The following CTNNA2 variants were observed in gnomAD, a reference collection of about 807,000 sequenced individuals.
CTNNA2 encodes the protein catenin alpha 2, also known as catenin alpha-2.
In CTNNA2, 42 loss-of-function variants were observed where a neutral mutation model predicts 101.0. That is an observed-to-expected ratio of 0.42 (90% confidence interval 0.32 to 0.54). CTNNA2 has a LOEUF of 0.54. Among genes scored for constraint, CTNNA2 ranks in the 20% least tolerant of loss-of-function variants. The probability of loss-of-function intolerance (pLI) is 0.14; values close to 1 mark genes in which losing one functional copy is unlikely to be tolerated. For synonymous variants in CTNNA2, 450 were observed against 456.4 expected, an observed-to-expected ratio of 0.99 and a Z score of 0.18; for missense variants, 871 against 1,223.1, an observed-to-expected ratio of 0.71 and a Z score of 4.29.
In CTNNA2 at chr2:79,214,819, A is replaced by T. The variant is rs1572982396; in HGVS notation, c.-406+16743A>T. Among the ~76,000 whole-genome samples the T allele has an allele frequency of 2.0e-5, 3 of 151,888 alleles. No homozygotes were observed. The East Asian group carries it at 6.0e-4, about 30-fold the overall frequency. On this transcript the variant is annotated intron_variant, in intron 2 of 21. Transcript: ENST00000466387. Reference sequence around the variant, plus strand: ...GGGAACTGGGCAGGTGGGGATAAGTAAAAAAGAGTGCATAAAAGTATTGTC... The same window carrying T: ...GGGAACTGGGCAGGTGGGGATAAGTTAAAAAGAGTGCATAAAAGTATTGTC...
chr2:79,755,558 G>GACC (rs1672341573), intron 3 of CTNNA2, among the ~76,000 whole-genome samples: 1 of 152,142 alleles, frequency 6.6e-6, no homozygotes, highest in East Asian at 1.9e-4. Context: ...GAAGTTCACA[G>GACC]ACCATCTGGT....
intron 3 of CTNNA2, among the ~76,000 whole-genome samples, chr2:79,783,836 C>T (rs555124178): frequency 1.1e-4 from 16 of 152,174 alleles, no homozygotes; most frequent in Non-Finnish European, 2.4e-4. Context: ...AGATCTATCA[C>T]ATTAAATTGC....
At chr2:79,526,357 G>C (rs1012963196) in intron 1 of CTNNA2, among the ~76,000 whole-genome samples, 1 of 151,846 alleles carries the variant, frequency 6.6e-6, no homozygotes, top group Non-Finnish European at 1.5e-5. Flanking sequence ...CTAAAAAATG[G>C]AAATATATGT....
At chr2:80,424,854 TG>T (rs1458257556) in intron 9 of CTNNA2, among the ~76,000 whole-genome samples, 10 of 152,162 alleles carry the variant, frequency 6.6e-5, no homozygotes, top group Non-Finnish European at 4.4e-5. Context: ...TCAAACGCCT[TG>T]GGGAAAAACT....
At chr2:80,380,092 A>G (rs867494206) in intron 7 of CTNNA2, among the ~76,000 whole-genome samples, 144 of 129,958 alleles carry the variant, frequency 1.1e-3, no homozygotes, top group Middle Eastern at 5.5e-3. Context: ...GCTGGAGTGC[A>G]GTGGCACGAT....
At chr2:80,228,390 T>C (rs1459711212) in intron 7 of CTNNA2, among the ~76,000 whole-genome samples, 1 of 152,142 alleles carries the variant, frequency 6.6e-6, no homozygotes, top group Non-Finnish European at 1.5e-5. Context: ...CTCTTTTACA[T>C]GGGCACTAAT....
intron 3 of CTNNA2, among the ~76,000 whole-genome samples, chr2:79,766,129 C>T (rs919008431): frequency 6.6e-6 from 1 of 152,074 alleles, no homozygotes; most frequent in Non-Finnish European, 1.5e-5. Context: ...AAGTTTTGTA[C>T]CTTCAGGTGA....
At chr2:79,664,388 T>A (rs1167256575) in intron 2 of CTNNA2, among the ~76,000 whole-genome samples, 1 of 152,204 alleles carries the variant, frequency 6.6e-6, no homozygotes, top group African/African-American at 2.4e-5. Context: ...TCTCAACCAT[T>A]ATGAACTTTC....
rs535116519 is a variant in CTNNA2, at chr2:79,771,747, T to C, written c.298+27165T>C. Among the ~76,000 whole-genome samples the C allele has an allele frequency of 2.0e-5, 3 of 152,272 alleles. No homozygotes were observed. The South Asian group carries it at 6.2e-4, about 32-fold the overall frequency. On this transcript the variant is annotated intron_variant, in intron 3 of 18. Coordinates refer to ENST00000402739, the MANE Select transcript of CTNNA2 (RefSeq NM_001282597.3). ...TAAATACAGATGAAGCTTGGCTCAC[T>C]TGCCTGCTGCTTACCTCCTGCTGTG...
chr2:79,387,033 A>G (rs1169065287), intron 4 of CTNNA2, among the ~76,000 whole-genome samples: 2 of 152,216 alleles, frequency 1.3e-5, no homozygotes. Flanking sequence ...GTACTATCAC[A>G]GCCACCCTTA....
At chr2:80,498,677 T>C (rs945771447) in intron 9 of CTNNA2, among the ~76,000 whole-genome samples, 4 of 152,250 alleles carry the variant, frequency 2.6e-5, no homozygotes, top group African/African-American at 9.6e-5. Context: ...CACCCTGGCA[T>C]TCCTGCCAGC....
intron 3 of CTNNA2, among the ~76,000 whole-genome samples, chr2:79,349,943 G>A (rs1482750462): frequency 2.6e-5 from 4 of 151,584 alleles, no homozygotes; most frequent in African/African-American, 4.9e-5. Context: ...GCGTGGTGGC[G>A]GGCGCCTGTA....
chr2:80,240,909 A>C (rs1197173598), intron 7 of CTNNA2, among the ~76,000 whole-genome samples: 1 of 152,156 alleles, frequency 6.6e-6, no homozygotes, highest in Non-Finnish European at 1.5e-5. Context: ...TTTACTTTAC[A>C]TGTGAATATA....
intron 7 of CTNNA2, among the ~76,000 whole-genome samples, chr2:80,186,268 C>T (rs1337497858): frequency 1.3e-5 from 2 of 152,334 alleles, no homozygotes; most frequent in South Asian, 2.1e-4. Context: ...TCATGTCTCT[C>T]CTTTAAAAAT....
chr2:79,370,691 G>C (rs1677850958), intron 3 of CTNNA2, among the ~76,000 whole-genome samples: 1 of 151,868 alleles, frequency 6.6e-6, no homozygotes, highest in South Asian at 2.1e-4. Context: ...GCTTAGGGAA[G>C]TGCATGTATG....
intron 7 of CTNNA2, among the ~76,000 whole-genome samples, chr2:79,988,392 A>G (rs1183621740): frequency 6.6e-6 from 1 of 152,112 alleles, no homozygotes; most frequent in African/African-American, 2.4e-5. Context: ...GGCATGTTAA[A>G]ATGGCCACAT....
chr2:79,977,222 G>GCACACA (rs72018840), intron 7 of CTNNA2, among the ~76,000 whole-genome samples: 13,700 of 144,664 alleles, frequency 0.095, 773 homozygotes, highest in African/African-American at 0.13. Flanking sequence ...GCATATGCAT[G>GCACACA]CACACACACA....
intron 15 of CTNNA2, among the ~76,000 whole-genome samples, chr2:80,596,705 T>C (rs1049676068): frequency 6.6e-5 from 10 of 152,082 alleles, no homozygotes; most frequent in Non-Finnish European, 1.5e-4. Context: ...TTATTTCTTT[T>C]TGTTGCCTGA....
chr2:80,337,537 CAGA>C (rs1197182326), intron 7 of CTNNA2, among the ~76,000 whole-genome samples: 1 of 140,652 alleles, frequency 7.1e-6, no homozygotes, highest in African/African-American at 2.7e-5. Context: ...GAGGCAGATG[CAGA>C]AGAACGATAC....
Sources: allele counts gnomAD v4.1 joint callset (sites outside exome capture counted in the v4.1 genomes callset), GRCh38; gene constraint gnomAD v4.1.1; transcripts MANE v1.5; gene names NCBI Gene and HGNC (gene_info 2026-07-23, HGNC 2026-07-21).